SEMA3D: variants seen among roughly 807,000 people sequenced by gnomAD.
SEMA3D encodes semaphorin-3D.
In SEMA3D, 84 loss-of-function variants were observed where a neutral mutation model predicts 100.1. That is an observed-to-expected ratio of 0.84 (90% CI 0.70 to 1.01). The LOEUF (loss-of-function observed/expected upper bound fraction) is 1.01, where lower values mean the gene tolerates loss of function less well. SEMA3D is among the 50% of genes least tolerant of loss of function. SEMA3D has a pLI of 0.00. For missense variants in SEMA3D, 875 were observed against 934.1 expected, an observed-to-expected ratio of 0.94 and a Z score of 0.82; for synonymous variants, 312 against 320.7, an observed-to-expected ratio of 0.97 and a Z score of 0.29.
At chr7:85,059,156 A>G (rs1454923345) in intron 8 of SEMA3D, among the ~76,000 whole-genome samples, 1 of 152,208 alleles carries the variant, frequency 6.6e-6, no homozygotes, top group East Asian at 1.9e-4. Flanking sequence ...AGTGCTGCCA[A>G]ACTGGATGGA....
At chr7:85,246,010 T>C in the SEMA3D span, among the ~76,000 whole-genome samples, 1 of 152,086 alleles carries the variant, frequency 6.6e-6, no homozygotes, top group African/African-American at 2.4e-5. Flanking sequence ...ATGTAGAACA[T>C]ATGGATAAAA....
chr7:85,158,442 C>T (rs974768365), intron 1 of SEMA3D, among the ~76,000 whole-genome samples: 15 of 152,226 alleles, frequency 9.9e-5, no homozygotes, highest in African/African-American at 1.2e-4. Context: ...CTTATTAGGA[C>T]GAGGAAATTC....
chr7:85,041,843 G>C (rs1790874624), intron 10 of SEMA3D: 3 of 228,976 alleles, frequency 1.3e-5, no homozygotes, highest in Admixed American at 5.4e-5. Flanking sequence ...CCTACCTATA[G>C]AAGGTGGCTC....
chr7:85,150,195 C>T (rs952628104), intron 2 of SEMA3D, among the ~76,000 whole-genome samples: 1 of 150,918 alleles, frequency 6.6e-6, no homozygotes, highest in African/African-American at 2.4e-5. Context: ...GACATAAATA[C>T]TTATTTAGTT....
At chr7:85,103,115 T>A (rs930226193) in intron 3 of SEMA3D, among the ~76,000 whole-genome samples, 1 of 152,054 alleles carries the variant, frequency 6.6e-6, no homozygotes, top group African/African-American at 2.4e-5. Flanking sequence ...TGGAACAAGT[T>A]CCCTCTTTTC....
chr7:85,144,742 G>A, intron 2 of SEMA3D: 1 of 835,946 alleles, frequency 1.2e-6, no homozygotes, highest in African/African-American at 1.8e-5. Context: ...TGATATGTCT[G>A]AATGGTGTAA....
At chr7:85,045,235 T>C (rs1790975275) in intron 9 of SEMA3D, among the ~76,000 whole-genome samples, 1 of 152,006 alleles carries the variant, frequency 6.6e-6, no homozygotes. Flanking sequence ...TAAACTGTGT[T>C]TAGTTGAAGA....
intron 3 of SEMA3D, among the ~76,000 whole-genome samples, chr7:85,114,162 C>T (rs1427199764): frequency 6.6e-6 from 1 of 151,988 alleles, no homozygotes; most frequent in African/African-American, 2.4e-5. Flanking sequence ...GAAGCAGGAA[C>T]GTGGTATATA....
At chr7:85,001,289 T>C (rs1193625683) in intron 18 of SEMA3D, among the ~76,000 whole-genome samples, 1 of 152,184 alleles carries the variant, frequency 6.6e-6, no homozygotes, top group African/African-American at 2.4e-5. Context: ...GTTTTGTTTG[T>C]TTGTTTCTCT....
intron 3 of SEMA3D, among the ~76,000 whole-genome samples, chr7:85,115,081 G>A (rs978507463): frequency 2.6e-5 from 4 of 152,166 alleles, no homozygotes; most frequent in African/African-American, 9.7e-5. Context: ...TTCATTTAAT[G>A]TTTACAGTTG....
chr7:85,176,010 G>A (rs1791213378), intron 1 of SEMA3D, among the ~76,000 whole-genome samples: 1 of 151,608 alleles, frequency 6.6e-6, no homozygotes, highest in South Asian at 2.1e-4. Flanking sequence ...TTTAAAACTA[G>A]TACTCTCATT....
chr7:85,229,565 T>G, the SEMA3D span, among the ~76,000 whole-genome samples: 3 of 152,006 alleles, frequency 2.0e-5, no homozygotes, highest in Non-Finnish European at 4.4e-5. Flanking sequence ...TGTTAACAAG[T>G]GTCTAAATTT....
intron 9 of SEMA3D, chr7:85,050,564 C>G (rs531286524): frequency 8.1e-6 from 3 of 372,120 alleles, no homozygotes; most frequent in South Asian, 1.2e-4. Flanking sequence ...GCCTCAGGCT[C>G]TCATTGATCA....
chr7:85,008,905 C>G (rs1180227761), intron 17 of SEMA3D, among the ~76,000 whole-genome samples: 1 of 151,564 alleles, frequency 6.6e-6, no homozygotes, highest in Non-Finnish European at 1.5e-5. Context: ...GAAGGCTATG[C>G]GTATAAGGTG....
At chr7:85,021,272 G>T (rs1372571445) in intron 13 of SEMA3D, among the ~76,000 whole-genome samples, 4 of 151,718 alleles carry the variant, frequency 2.6e-5, no homozygotes, top group Non-Finnish European at 5.9e-5. Context: ...CTCAGTAAAG[G>T]TTAGATATTA....
At chr7:85,183,048 A>G (rs1791445439) in intron 1 of SEMA3D, among the ~76,000 whole-genome samples, 1 of 152,224 alleles carries the variant, frequency 6.6e-6, no homozygotes, top group East Asian at 1.9e-4. Flanking sequence ...TAATGAAGTT[A>G]TAACAAACAA....
chr7:85,218,317 T>C, the SEMA3D span, among the ~76,000 whole-genome samples: 11 of 152,250 alleles, frequency 7.2e-5, no homozygotes, highest in Middle Eastern at 3.4e-3. Flanking sequence ...CATGTACCAG[T>C]ACATTGTACA....
chr7:85,122,084 T>TTGGGGGC (rs1436852708), intron 2 of SEMA3D, 153 bp from the exon 3 acceptor site: 1 of 499,980 alleles, frequency 2.0e-6, no homozygotes, highest in Non-Finnish European at 3.5e-6. Context: ...CCAGGGCCTG[T>TTGGGGGC]TGGGGGCTGG....
chr7:85,028,051 G>T (rs1188871488), intron 12 of SEMA3D: 3 of 591,724 alleles, frequency 5.1e-6, no homozygotes, highest in East Asian at 3.6e-5. Context: ...TGTCTGACTG[G>T]ATGCAGATTT....
Sources: allele counts gnomAD v4.1 joint callset (sites outside exome capture counted in the v4.1 genomes callset), GRCh38; gene constraint gnomAD v4.1.1; transcripts MANE v1.5; gene names NCBI Gene and HGNC (gene_info 2026-07-23, HGNC 2026-07-21).